Variants in SLC45A1 observed in about 807,000 individuals in gnomAD.
The protein encoded by SLC45A1 is proton-associated sugar transporter A.
A neutral mutation model predicts 57.6 loss-of-function variants in SLC45A1; 28 were observed. That is an observed-to-expected ratio of 0.49 (90% confidence interval 0.36 to 0.67). The LOEUF is 0.67. Among genes scored for constraint, SLC45A1 ranks in the 30% least tolerant of loss-of-function variants. The probability of loss-of-function intolerance (pLI) is 0.00; values close to 1 mark genes in which losing one functional copy is unlikely to be tolerated. For synonymous variants in SLC45A1, 459 were observed against 471.5 expected (o/e 0.97, Z 0.34); for missense variants, 814 against 1,041.5 (o/e 0.78, Z 3.01).
intron 1 of SLC45A1, among the ~76,000 whole-genome samples, chr1:8,321,731 G>A (rs927973608): frequency 2.3e-4 from 35 of 151,966 alleles, no homozygotes; most frequent in Non-Finnish European, 4.3e-4. Context: ...GTGGAAGAAC[G>A]GGTCGGTGGA....
Position 8,325,542 on chromosome 1 carries a change from C to A in SLC45A1, c.490+152C>A. The A allele has an allele frequency of 1.5e-6, 1 of 651,020 alleles. No homozygotes were observed. 40.3% of individuals were successfully genotyped at this position (651,020 alleles called of 1,614,324 possible). A position where few individuals can be genotyped will look rare whatever the true frequency, so the allele number is the denominator to read the frequency against. Reference sequence around the variant, plus strand: ...TGTGAGGCAGGGAGTGCCCCGCAACCTGGCCTCAGTTAACTGTGAGAATAG... The same window carrying A: ...TGTGAGGCAGGGAGTGCCCCGCAACATGGCCTCAGTTAACTGTGAGAATAG... On this transcript the variant is annotated intron_variant, in intron 3 of 8. Transcript: ENST00000471889. The surrounding 1 kb of genome is among the most constrained non-coding windows in gnomAD (Gnocchi z 6.3).
At chr1:8,329,071 C>T (rs76866917) in intron 4 of SLC45A1, among the ~76,000 whole-genome samples, 4,734 of 152,042 alleles carry the variant, frequency 0.031, 207 homozygotes, top group African/African-American at 0.095. Context: ...TGAATGGACA[C>T]GCCAAGTGAA....
chr1:8,318,435 T>C (rs929905115), intron 1 of SLC45A1, among the ~76,000 whole-genome samples: 12 of 152,246 alleles, frequency 7.9e-5, no homozygotes, highest in African/African-American at 2.9e-4. Context: ...TCATCCTTGC[T>C]GGCAAGGGGA....
intron 5 of SLC45A1, among the ~76,000 whole-genome samples, chr1:8,332,699 C>G (rs1210046972): frequency 1.3e-5 from 2 of 151,878 alleles, no homozygotes; most frequent in South Asian, 4.2e-4. Flanking sequence ...TTAGTAGAGA[C>G]GGGGTTTCAC....
rs1215673342 is a variant in SLC45A1, at chr1:8,339,646, C to T, written c.1928C>T (p.Thr643Ile). The change falls in exon 8 of 9, where the codon ACC becomes ATC. Residue 643 changes from threonine (T) to isoleucine (I), a missense_variant. Thr to Ile is a moderately conservative substitution (Grantham distance 89, BLOSUM62 -1). Transcript: ENST00000471889. Reference protein sequence around the residue: ...LCITYGILFSTLCTLPYSLLC... With the variant: ...LCITYGILFSILCTLPYSLLC... ...ATAACCTACGGGATTTTATTTTCCACCCTGTGCACCTTGCCTTACTCGCTG... is the reference window on the plus strand; with the variant it reads ...ATAACCTACGGGATTTTATTTTCCATCCTGTGCACCTTGCCTTACTCGCTG... 1.9e-6 allele frequency: 3 copies of T among 1,614,116 alleles called. No individual in the cohort carries two copies. The highest frequency in any genetic ancestry group is 2.5e-6 in the Non-Finnish European group (3 of 1,180,046).
intron 5 of SLC45A1, among the ~76,000 whole-genome samples, chr1:8,334,536 G>A (rs537219391): frequency 1.1e-4 from 16 of 152,208 alleles, no homozygotes; most frequent in South Asian, 2.1e-4. Flanking sequence ...CCCCATCTCT[G>A]TAACAATTTT....
In SLC45A1 at chr1:8,325,694, G is replaced by A. The variant is rs919620123; in HGVS notation, c.491-124G>A. ...AGTTTGCAGGCGGCTTTTCCACCGG[G>A]CTGTGCTTGAGGTTTAAGTTTTAAA... is the stretch of plus-strand genomic sequence containing the variant. On this transcript the variant is annotated intron_variant, in intron 3 of 8. Transcript: ENST00000471889. The surrounding 1 kb of genome is among the most constrained non-coding windows in gnomAD (Gnocchi z 6.3). 2 of 896,966 alleles carry A rather than the reference G, an allele frequency of 2.2e-6. No homozygotes were observed. Among genetic ancestry groups the A allele is most frequent in the Admixed American group, 2.6e-5 (1 of 39,142 alleles). The allele number at this position is 896,966 out of a possible 1,614,324, so 55.6% of individuals were successfully genotyped here. A position where few individuals can be genotyped will look rare whatever the true frequency, so the allele number is the denominator to read the frequency against.
rs1396177066 is a variant in SLC45A1 at position 8,335,685 on chromosome 1, G to C, written c.1597+95G>C. Reference sequence around the variant, plus strand: ...GGATGCCCCTGAGCCTCCCTTCCCAGAACCTTTCTGAGTTCACCAGCCCCC... The same window carrying C: ...GGATGCCCCTGAGCCTCCCTTCCCACAACCTTTCTGAGTTCACCAGCCCCC... On this transcript the variant is annotated intron_variant, in intron 6 of 8. Transcript: ENST00000471889. This position sits in a 1 kb window ranked among gnomAD's most constrained non-coding sequence, Gnocchi z 4.1. The C allele has an allele frequency of 2.2e-6, 3 of 1,366,712 alleles. No individual in the cohort carries two copies. In the East Asian group the frequency reaches 7.6e-5, roughly 34 times the overall value. 84.7% of individuals were successfully genotyped at this position (1,366,712 alleles called of 1,614,324 possible).
Position 8,330,384 on chromosome 1 carries a change from T to C in SLC45A1, c.891T>C (p.Ser297=). 2.5e-6 allele frequency: 4 copies of C among 1,612,640 alleles called. No homozygotes were observed. The highest frequency in any genetic ancestry group is 3.4e-6 in the Non-Finnish European group (4 of 1,179,868). Residue 297 remains serine, a synonymous_variant, in exon 5 of 9, where the codon AGT becomes AGC. Transcript: ENST00000471889. The surrounding 1 kb of genome is among the most constrained non-coding windows in gnomAD (Gnocchi z 8.4). ...SIPERPLRPP[S]EKRAAMKSPS... The stretch of plus-strand genomic sequence containing the variant: ...CTGAGAGGCCGCTGCGGCCGCCGAG[T>C]GAGAAGCGGGCAGCCATGAAGAGCC...
Position 8,335,514 on chromosome 1 carries a change from G to A in SLC45A1, c.1521G>A (p.Leu507=). Residue 507 remains leucine (L), a synonymous_variant, in exon 6 of 9, where the codon CTG becomes CTA. Transcript: ENST00000471889. The surrounding 1 kb of genome is among the most constrained non-coding windows in gnomAD (Gnocchi z 4.1). The stretch of plus-strand genomic sequence containing the variant: ...CCAGCGAGCGCGCGGAGCAGCCTCT[G>A]TCCGTGGGGCGCCTCTGCTCCACCA... ...TGSSERAEQP[L]SVGRLCSTIC... 6.2e-7 allele frequency: 1 copy of A among 1,605,028 alleles called. No individual in the cohort carries two copies. Among genetic ancestry groups the A allele is most frequent in the Middle Eastern group, 1.7e-4 (1 of 6,058 alleles).
chr1:8,338,913 C>T lies in SLC45A1; in HGVS notation c.1775-580C>T, dbSNP rs570721206. Among the ~76,000 whole-genome samples, 10 of 152,276 alleles carry T rather than the reference C, an allele frequency of 6.6e-5. No individual in the cohort carries two copies. In the South Asian group the frequency reaches 1.5e-3, roughly 22 times the overall value. On this transcript the variant is annotated intron_variant, in intron 7 of 8. Coordinates refer to ENST00000471889, the MANE Select transcript of SLC45A1 (RefSeq NM_001080397.3). ...AAAGTAGAGGGTCACTGAGGGGCTG[C>T]GGCAAGAAGAAATTTGTCAGATCTC...
At position 8,324,561 on chromosome 1, in the gene SLC45A1, C is replaced by T; in HGVS notation, c.232C>T (p.Leu78=). The T allele has an allele frequency of 6.2e-7, 1 of 1,612,918 alleles. No homozygotes were observed. Among genetic ancestry groups the T allele is most frequent in the Non-Finnish European group, 8.5e-7 (1 of 1,179,844 alleles). The change falls in exon 2 of 9, where the codon CTG becomes TTG. Residue 78 remains leucine (L), a synonymous_variant. Coordinates refer to ENST00000471889, the MANE Select transcript of SLC45A1 (RefSeq NM_001080397.3). ...GCTTGAGCTGGTGGACTTCGGGGAC[C>T]TGCACCCCCAGAGGTCCTTCCGGGA... The part of the protein sequence containing the change: ...CPLELVDFGD[L]HPQRSFRELL...
In SLC45A1 at chr1:8,324,500, T is replaced by TGCCGGCCCCCCCCCCCC; in HGVS notation, c.171_172insGCCGGCCCCCCCCCCCC (p.Pro58AlafsTer57). On this transcript the variant is annotated frameshift_variant, in exon 2 of 9. Coordinates refer to ENST00000471889, the MANE Select transcript of SLC45A1 (RefSeq NM_001080397.3). LOFTEE classifies it high-confidence loss of function. ...ACCCCAAGAGGAGGAAGTGCATTCG[T>TGCCGGCCCCCCCCCCCC]CCCTCCCCACCCCCGCCCCCCAACA... 6.2e-7 allele frequency: 1 copy of TGCCGGCCCCCCCCCCCC among 1,610,712 alleles called. No homozygotes were observed. Among genetic ancestry groups the TGCCGGCCCCCCCCCCCC allele is most frequent in the Non-Finnish European group, 8.5e-7 (1 of 1,178,930 alleles).
In SLC45A1 at chr1:8,326,015, G is replaced by A. The variant is rs1640192100; in HGVS notation, c.688G>A (p.Gly230Ser). 1.2e-6 allele frequency: 2 copies of A among 1,606,144 alleles called. No homozygotes were observed. The highest frequency in any genetic ancestry group is 2.2e-5 in the South Asian group (2 of 91,076). The change falls in exon 4 of 9, where the codon GGC (glycine) becomes AGC (serine). Residue 230 changes from glycine (G) to serine (S), a missense_variant. Transcript: ENST00000471889. The surrounding 1 kb of genome is among the most constrained non-coding windows in gnomAD (Gnocchi z 5.5). ...GTGCAGCCCCGCAGACCAGGACCGAGGCCTGAACATCCACGCCCTCCTGGC... is the reference window on the plus strand; with the variant it reads ...GTGCAGCCCCGCAGACCAGGACCGAAGCCTGAACATCCACGCCCTCCTGGC... ...DVCSPADQDR[G>S]LNIHALLAGL...
chr1:8,334,728 G>A (rs560980995), intron 5 of SLC45A1, among the ~76,000 whole-genome samples: 3 of 152,146 alleles, frequency 2.0e-5, no homozygotes, highest in East Asian at 1.9e-4. Flanking sequence ...CAACAACAAC[G>A]AAATAACAAG....
chr1:8,330,999 T>A lies in SLC45A1; in HGVS notation c.1443+63T>A, dbSNP rs1640389700. On this transcript the variant is annotated intron_variant, in intron 5 of 8. Transcript: ENST00000471889. This position sits in a 1 kb window ranked among gnomAD's most constrained non-coding sequence, Gnocchi z 8.4. ...TGGCATTCGGGGGTCCCCTGGTCAG[T>A]TACATGACAAAGAGGGAGAGTCCCT... 1 of 1,506,390 alleles carries A rather than the reference T, an allele frequency of 6.6e-7. No homozygotes were observed. Among genetic ancestry groups the A allele is most frequent in the South Asian group, 1.3e-5 (1 of 76,392 alleles). The allele number at this position is 1,506,390 out of a possible 1,614,324, so 93.3% of individuals were successfully genotyped here. A position where few individuals can be genotyped will look rare whatever the true frequency, so the allele number is the denominator to read the frequency against.
chr1:8,337,850 C>T lies in SLC45A1; in HGVS notation c.1632C>T (p.Tyr544=), dbSNP rs1640669693. ...WLSFEGMLLF[Y]TDFMGEVVFQ... ...CATTCGAGGGGATGTTGCTCTTCTA[C>T]ACAGACTTCATGGGCGAGGTGGTGT... Residue 544 remains tyrosine, a synonymous_variant, in exon 7 of 9, where the codon TAC becomes TAT. Coordinates refer to ENST00000471889, the MANE Select transcript of SLC45A1 (RefSeq NM_001080397.3). The T allele has an allele frequency of 6.2e-7, 1 of 1,614,224 alleles. No individual in the cohort carries two copies. The highest frequency in any genetic ancestry group is 8.5e-7 in the Non-Finnish European group (1 of 1,180,024).
Position 8,325,437 on chromosome 1 carries a change from G to A in SLC45A1, c.490+47G>A. On this transcript the variant is annotated intron_variant, in intron 3 of 8. Transcript: ENST00000471889. The surrounding 1 kb of genome is among the most constrained non-coding windows in gnomAD (Gnocchi z 6.3). ...ATAAAATGGAGAGGAAAAAAAAAAG[G>A]CCCCAACTGCTTCCTTTTAGGAAAA... 7.5e-7 allele frequency: 1 copy of A among 1,326,248 alleles called. No homozygotes were observed. The highest frequency in any genetic ancestry group is 1.1e-6 in the Non-Finnish European group (1 of 933,998). 82.2% of individuals were successfully genotyped at this position (1,326,248 alleles called of 1,614,324 possible). A position where few individuals can be genotyped will look rare whatever the true frequency, so the allele number is the denominator to read the frequency against.
intron 8 of SLC45A1, among the ~76,000 whole-genome samples, chr1:8,341,008 C>T (rs1176138558): frequency 1.3e-5 from 2 of 151,808 alleles, no homozygotes; most frequent in African/African-American, 2.4e-5. Flanking sequence ...CTGGCTAACA[C>T]AGTGAAACCC....
Sources: gnomAD v4.1 joint callset for allele counts (sites outside exome capture counted in the v4.1 genomes callset) on GRCh38, gnomAD v4.1.1 for gene constraint, Gnocchi (gnomAD v3.1) non-coding constraint, MANE v1.5 for transcripts, NCBI Gene and HGNC (gene_info 2026-07-23, HGNC 2026-07-21) for gene names.